The following RIMS1 variants were observed in gnomAD, a reference collection of about 807,000 sequenced individuals.
RIMS1 encodes the protein regulating synaptic membrane exocytosis protein 1.
In RIMS1, 83 loss-of-function variants were observed where a neutral mutation model predicts 214.1. That is an observed-to-expected ratio of 0.39 (90% CI 0.32 to 0.47). The LOEUF is 0.47. Among genes scored for constraint, RIMS1 ranks in the 20% least tolerant of loss-of-function variants. RIMS1 has a pLI of 0.99. For missense variants in RIMS1, 2,050 were observed against 2,161.8 expected (o/e 0.95, Z 1.03); for synonymous variants, 793 against 786.8 (o/e 1.01, Z -0.13).
intron 2 of RIMS1, among the ~76,000 whole-genome samples, chr6:72,082,249 T>C (rs991335583): frequency 9.2e-5 from 14 of 152,222 alleles, no homozygotes; most frequent in African/African-American, 3.4e-4. Flanking sequence ...TTGAATAATG[T>C]TACACTTCAC....
intron 4 of RIMS1, among the ~76,000 whole-genome samples, chr6:72,111,493 C>T (rs1037185916): frequency 5.9e-5 from 9 of 152,018 alleles, no homozygotes; most frequent in Non-Finnish European, 8.8e-5. Context: ...ATGTGATTTC[C>T]CCAAATTCTT....
intron 1 of RIMS1, among the ~76,000 whole-genome samples, chr6:71,910,333 G>A (rs559190162): frequency 6.6e-6 from 1 of 152,248 alleles, no homozygotes; most frequent in African/African-American, 2.4e-5. Context: ...TCTGACTCTG[G>A]AAGCTTTGGA....
At chr6:72,286,826 C>T (rs568302359) in intron 24 of RIMS1, among the ~76,000 whole-genome samples, 16 of 152,238 alleles carry the variant, frequency 1.1e-4, no homozygotes, top group Admixed American at 3.3e-4. Flanking sequence ...TGGTTTCTGG[C>T]GAAATTTGCT....
At chr6:71,985,718 A>G (rs1347793874) in intron 2 of RIMS1, among the ~76,000 whole-genome samples, 1 of 152,112 alleles carries the variant, frequency 6.6e-6, no homozygotes, top group Non-Finnish European at 1.5e-5. Context: ...GCCGTTAAAC[A>G]TTTATCAGCA....
intron 26 of RIMS1, among the ~76,000 whole-genome samples, chr6:72,301,882 GT>G (rs370465223): frequency 6.6e-6 from 1 of 151,554 alleles, no homozygotes; most frequent in African/African-American, 2.4e-5. Context: ...AAATAGTGGT[GT>G]AAAATACAAC....
intron 1 of RIMS1, among the ~76,000 whole-genome samples, chr6:71,930,562 A>G (rs1782732781): frequency 6.6e-6 from 1 of 152,066 alleles, no homozygotes; most frequent in Admixed American, 6.6e-5. Flanking sequence ...TTTGAAGGCT[A>G]TGAGCCATGA....
At chr6:72,101,429 G>A (rs947046245) in intron 4 of RIMS1, among the ~76,000 whole-genome samples, 1 of 151,976 alleles carries the variant, frequency 6.6e-6, no homozygotes, top group East Asian at 1.9e-4. Flanking sequence ...TCAATGAATG[G>A]CCTTTCTAGC....
intron 26 of RIMS1, among the ~76,000 whole-genome samples, chr6:72,306,771 A>G (rs2095210603): frequency 6.6e-6 from 1 of 152,204 alleles, no homozygotes; most frequent in African/African-American, 2.4e-5. Flanking sequence ...ATGCCTCAAT[A>G]AAGTAGATAC....
intron 4 of RIMS1, among the ~76,000 whole-genome samples, chr6:72,154,620 TAA>T (rs1471816181): frequency 7.1e-6 from 1 of 140,760 alleles, no homozygotes; most frequent in African/African-American, 2.5e-5. Flanking sequence ...TACCCACAGA[TAA>T]GAGTACATTT....
intron 1 of RIMS1, among the ~76,000 whole-genome samples, chr6:71,904,068 T>C (rs1411632125): frequency 1.3e-5 from 2 of 152,128 alleles, no homozygotes; most frequent in African/African-American, 4.8e-5. Context: ...TATTATTATT[T>C]GAAAGGTCTG....
At chr6:72,382,415 C>T (rs558218819) in intron 29 of RIMS1, among the ~76,000 whole-genome samples, 1 of 152,282 alleles carries the variant, frequency 6.6e-6, no homozygotes, top group Non-Finnish European at 1.5e-5. Context: ...AAGCATCTGA[C>T]ATCAACAAAG....
Position 72,187,350 on chromosome 6 carries a change from G to A in RIMS1, c.1678+4201G>A, listed in dbSNP as rs149494372. Reference sequence around the variant, plus strand: ...ATGGGCTTGTAAAAAGTCAAATGGCGGGTAGATTATCTTGACTGCCTTTTG... The same window carrying A: ...ATGGGCTTGTAAAAAGTCAAATGGCAGGTAGATTATCTTGACTGCCTTTTG... On this transcript the variant is annotated intron_variant, in intron 6 of 33. Coordinates refer to ENST00000521978, the MANE Select transcript of RIMS1 (RefSeq NM_014989.7). Among the ~76,000 whole-genome samples, 1,210 of 152,082 alleles carry A rather than the reference G, an allele frequency of 8.0e-3. 9 individuals are homozygous for A. The highest frequency in any genetic ancestry group is 0.017 in the Middle Eastern group (5 of 294).
intron 28 of RIMS1, among the ~76,000 whole-genome samples, chr6:72,327,138 C>G (rs968457094): frequency 2.6e-5 from 4 of 151,478 alleles, no homozygotes; most frequent in Non-Finnish European, 5.9e-5. Context: ...TTGTTTTAAG[C>G]CACCAAAAAA....
intron 2 of RIMS1, among the ~76,000 whole-genome samples, chr6:72,085,154 G>A (rs1199421960): frequency 6.6e-6 from 1 of 151,982 alleles, no homozygotes; most frequent in Non-Finnish European, 1.5e-5. Flanking sequence ...ATGCTTTAGT[G>A]CCATCTGCTG....
chr6:72,046,002 T>A (rs1180030168), intron 2 of RIMS1, among the ~76,000 whole-genome samples: 5 of 152,068 alleles, frequency 3.3e-5, no homozygotes, highest in Non-Finnish European at 7.4e-5. Context: ...AGTGTGTGTG[T>A]CTTTGGAATA....
intron 4 of RIMS1, among the ~76,000 whole-genome samples, chr6:72,170,126 T>C (rs1306946757): frequency 6.6e-6 from 1 of 152,180 alleles, no homozygotes; most frequent in Non-Finnish European, 1.5e-5. Context: ...CAAAGTCCTT[T>C]TTATTTGCTG....
intron 2 of RIMS1, among the ~76,000 whole-genome samples, chr6:72,025,768 CTA>C (rs1165342575): frequency 6.6e-6 from 1 of 152,184 alleles, no homozygotes; most frequent in African/African-American, 2.4e-5. Flanking sequence ...AGAAAAATTT[CTA>C]TGAGTGGTTC....
In RIMS1 at chr6:72,097,154, T is replaced by G; in HGVS notation, c.451T>G (p.Ser151Ala). ...CTGCGGAGGCCGCGTGTCTCTACGG[T>G]CAAACAACGTGAGTATTCCATGAAC... ...ARCGGRVSLR[S>A]NNEDKVVMWV... Residue 151 changes from serine (S) to alanine (A), a missense_variant, in exon 3 of 34, where the codon TCA (serine) becomes GCA (alanine). Ser to Ala is a moderately conservative substitution (Grantham distance 99, BLOSUM62 1). Around this residue, in one of 6 missense-constraint regions of RIMS1, gnomAD observed 882 missense variants for 828.9 expected, o/e 1.06. Coordinates refer to ENST00000521978, the MANE Select transcript of RIMS1 (RefSeq NM_014989.7). 1.9e-6 allele frequency: 3 copies of G among 1,613,648 alleles called. No individual in the cohort carries two copies. Among genetic ancestry groups the G allele is most frequent in the Non-Finnish European group, 2.5e-6 (3 of 1,179,784 alleles).
intron 4 of RIMS1, among the ~76,000 whole-genome samples, chr6:72,129,193 G>A (rs894076934): frequency 6.6e-6 from 1 of 152,068 alleles, no homozygotes; most frequent in Non-Finnish European, 1.5e-5. Flanking sequence ...GTTTACATAT[G>A]GTTAAAGAAC....
Sources: allele counts gnomAD v4.1 joint callset (sites outside exome capture counted in the v4.1 genomes callset), GRCh38; gene constraint gnomAD v4.1.1; regional missense constraint gnomAD v4.1.1; transcripts MANE v1.5; gene names NCBI Gene and HGNC (gene_info 2026-07-23, HGNC 2026-07-21).